CCDC169: variants seen among roughly 807,000 people sequenced by gnomAD.
CCDC169 encodes the protein coiled-coil domain-containing protein 169.
In CCDC169, 30 loss-of-function variants were observed where a neutral mutation model predicts 36.0. That is an observed-to-expected ratio of 0.83 (90% CI 0.62 to 1.13). CCDC169 has a LOEUF of 1.13. Ranked by LOEUF, CCDC169 falls within the 50% of genes most tolerant of loss-of-function variation. CCDC169 has a pLI of 0.00. For missense variants in CCDC169, 245 were observed against 245.9 expected (o/e 1.00, Z 0.03); for synonymous variants, 85 against 81.5 (o/e 1.04, Z -0.23).
At chr13:36,246,332 T>C (rs1289133417) in intron 7 of CCDC169, among the ~76,000 whole-genome samples, 7 of 152,180 alleles carry the variant, frequency 4.6e-5, no homozygotes, top group Non-Finnish European at 8.8e-5. Flanking sequence ...TTAAAAGAAA[T>C]TAAAAGCACC....
chr13:36,297,522 G>C, intron 1 of CCDC169, 115 bp downstream of exon 1: 1 of 959,146 alleles, frequency 1.0e-6, no homozygotes, highest in Non-Finnish European at 1.6e-6. Flanking sequence ...AGTGCCCAGG[G>C]GTTAATCACG....
chr13:36,287,279 A>T (rs1878366018), intron 2 of CCDC169, among the ~76,000 whole-genome samples: 2 of 152,158 alleles, frequency 1.3e-5, no homozygotes, highest in African/African-American at 4.8e-5. Context: ...TTTGAAACTG[A>T]AAATAAAAAA....
intron 7 of CCDC169, 119 bp from the exon 8 acceptor site, chr13:36,231,411 C>A (rs764975511): frequency 1.1e-6 from 1 of 943,812 alleles, no homozygotes; most frequent in Non-Finnish European, 1.6e-6. Flanking sequence ...GACCTTCACA[C>A]GGAAACCTTC....
chr13:36,222,393 A>T, downstream of CCDC169: 1 of 152,206 alleles, frequency 6.6e-6, no homozygotes, highest in Non-Finnish European at 1.5e-5. Flanking sequence ...AATTCCAGAA[A>T]TCTGCATAGG....
chr13:36,269,483 C>A (rs1875762934), intron 4 of CCDC169, among the ~76,000 whole-genome samples: 1 of 152,122 alleles, frequency 6.6e-6, no homozygotes, highest in African/African-American at 2.4e-5. Context: ...AAGAAAACTA[C>A]AGACCAATTT....
intron 4 of CCDC169, among the ~76,000 whole-genome samples, chr13:36,261,108 C>A (rs1188194583): frequency 2.0e-5 from 3 of 152,080 alleles, no homozygotes; most frequent in Non-Finnish European, 4.4e-5. Context: ...AGAGAGCACC[C>A]ACTGTGTAAG....
At chr13:36,244,219 TAAACAG>T (rs1222517735) in intron 7 of CCDC169, among the ~76,000 whole-genome samples, 4 of 152,002 alleles carry the variant, frequency 2.6e-5, no homozygotes, top group African/African-American at 9.7e-5. Flanking sequence ...AACTTACTGG[TAAACAG>T]TTCCCTACAC....
intron 2 of CCDC169, among the ~76,000 whole-genome samples, chr13:36,288,963 A>G (rs1397267879): frequency 6.6e-6 from 1 of 152,140 alleles, no homozygotes; most frequent in Non-Finnish European, 1.5e-5. Flanking sequence ...AAGTCCAAGC[A>G]TGTAATAAAT....
In CCDC169 at chr13:36,236,343, C is replaced by T. The variant is rs532326445; in HGVS notation, c.546-5051G>A. Among the ~76,000 whole-genome samples the T allele has an allele frequency of 2.4e-4, 37 of 151,998 alleles. 1 individual carries two copies. In the East Asian group the frequency reaches 7.0e-3, roughly 29 times the overall value. On this transcript the variant is annotated intron_variant, in intron 7 of 7. Coordinates refer to ENST00000239859, the MANE Select transcript of CCDC169 (RefSeq NM_001144981.3). ...CACAACTGGGAGTCTAAGAGTAAAC[C>T]CATATGTTACGGTCAATTGTTTTTT...
chr13:36,264,198 G>A (rs531987941), intron 4 of CCDC169, among the ~76,000 whole-genome samples: 1 of 152,008 alleles, frequency 6.6e-6, no homozygotes, highest in Non-Finnish European at 1.5e-5. Context: ...CAAAATAGCA[G>A]TTAAAAATAC....
At chr13:36,259,223 T>C (rs1009064000) in intron 4 of CCDC169, among the ~76,000 whole-genome samples, 2 of 152,124 alleles carry the variant, frequency 1.3e-5, no homozygotes, top group Admixed American at 1.3e-4. Flanking sequence ...CCCCTGGCGA[T>C]GAGCTGAGTC....
At chr13:36,227,445 G>T, downstream of CCDC169, 1 of 1,388,224 alleles carries the variant, frequency 7.2e-7, no homozygotes. Flanking sequence ...TGCTAATAAA[G>T]CAGATATTCC....
chr13:36,289,349 T>C (rs1249777713), intron 2 of CCDC169, among the ~76,000 whole-genome samples: 1 of 152,212 alleles, frequency 6.6e-6, no homozygotes, highest in Non-Finnish European at 1.5e-5. Flanking sequence ...GCTAAAATGT[T>C]TTATCTTAAA....
chr13:36,235,231 C>T (rs542756237), intron 7 of CCDC169, among the ~76,000 whole-genome samples: 4 of 151,526 alleles, frequency 2.6e-5, no homozygotes, highest in Admixed American at 2.0e-4. Context: ...CTGGTAAATT[C>T]TACCACATAT....
chr13:36,249,042 AT>A (rs1872828059), intron 6 of CCDC169, among the ~76,000 whole-genome samples: 1 of 152,230 alleles, frequency 6.6e-6, no homozygotes, highest in African/African-American at 2.4e-5. Flanking sequence ...AAGCTGTAGT[AT>A]TTTGAGGCAG....
chr13:36,230,262 T>C (rs1454085836), downstream of CCDC169, among the ~76,000 whole-genome samples: 1 of 152,230 alleles, frequency 6.6e-6, no homozygotes, highest in African/African-American at 2.4e-5. Context: ...TGAAGTCCAA[T>C]GATTTCACTT....
In CCDC169 at chr13:36,246,174, A is replaced by C. The variant is rs963533832; in HGVS notation, c.545+2432T>G. Among the ~76,000 whole-genome samples the C allele has an allele frequency of 3.9e-5, 6 of 152,352 alleles. No individual in the cohort carries two copies. The East Asian group carries it at 1.2e-3, about 29-fold the overall frequency. ...CTACTATGGTGTTGAAGTAGAAGGA[A>C]GAGTTGCACATCTCTCACTTTAATT... On this transcript the variant is annotated intron_variant, in intron 7 of 7. Coordinates refer to ENST00000239859, the MANE Select transcript of CCDC169 (RefSeq NM_001144981.3).
At chr13:36,257,187 C>T (rs1427310339) in intron 4 of CCDC169, among the ~76,000 whole-genome samples, 4 of 152,182 alleles carry the variant, frequency 2.6e-5, no homozygotes, top group Non-Finnish European at 5.9e-5. Context: ...ATTACTTATG[C>T]AATGCCTTGG....
intron 7 of CCDC169, among the ~76,000 whole-genome samples, chr13:36,240,102 A>AATGT (rs1358370983): frequency 6.6e-6 from 1 of 152,076 alleles, no homozygotes; most frequent in Non-Finnish European, 1.5e-5. Context: ...TGGTCTTTGG[A>AATGT]ATGTATCTCT....
Sources: gnomAD v4.1 joint callset for allele counts (sites outside exome capture counted in the v4.1 genomes callset) on GRCh38, gnomAD v4.1.1 for gene constraint, MANE v1.5 for transcripts, NCBI Gene and HGNC (gene_info 2026-07-23, HGNC 2026-07-21) for gene names.